Variants in JADE3 observed in about 807,000 individuals in gnomAD.
JADE3 encodes the protein jade family PHD finger 3, also known as protein Jade-3.
JADE3 carries 2 observed loss-of-function variants against 50.1 expected under a neutral mutation model. The observed-to-expected ratio is 0.04, with a 90% CI of 0.02 to 0.13. JADE3 has a LOEUF of 0.13. Ranked by LOEUF, JADE3 falls within the 10% of genes least tolerant of loss-of-function variation. JADE3 has a pLI of 1.00. For synonymous variants in JADE3, 218 were observed against 232.9 expected (o/e 0.94, Z 0.58); for missense variants, 475 against 634.4 (o/e 0.75, Z 2.70).
At chrX:47,003,526 GTATTTTTATGTCT>G (rs1259225170) in intron 4 of JADE3, among the ~76,000 whole-genome samples, 2 of 105,200 alleles carry the variant, frequency 1.9e-5, no homozygotes, top group East Asian at 2.9e-4. Context: ...TTATGTCTAT[GTATTTTTATGTCT>G]TATTTTTATG....
At chrX:46,999,336 A>G (rs1350936279) in intron 4 of JADE3, among the ~76,000 whole-genome samples, 2 of 105,926 alleles carry the variant, frequency 1.9e-5, no homozygotes, top group African/African-American at 7.0e-5. Flanking sequence ...TTGGGAATTA[A>G]GGTTCCAATA....
chrX:46,989,517 T>C lies in JADE3; in HGVS notation c.126+3725T>C, dbSNP rs189781866. 2.2e-4 allele frequency among the ~76,000 whole-genome samples: 25 copies of C among 111,900 alleles called. No individual in the cohort carries two copies. In the East Asian group the frequency reaches 6.7e-3, roughly 30 times the overall value. On this transcript the variant is annotated intron_variant, in intron 3 of 10. Coordinates refer to ENST00000614628, the MANE Select transcript of JADE3 (RefSeq NM_014735.5). ...TACTTTTCTTTCAGCACTTGGAAAATGTTGTGCTACTTCCTTCTGGCCTCC... is the reference window on the plus strand; with the variant it reads ...TACTTTTCTTTCAGCACTTGGAAAACGTTGTGCTACTTCCTTCTGGCCTCC...
At chrX:46,950,133 GACA>G (rs1454724637) in intron 1 of JADE3, among the ~76,000 whole-genome samples, 2 of 112,150 alleles carry the variant, frequency 1.8e-5, no homozygotes, top group African/African-American at 6.5e-5. Context: ...TTATTAAAAT[GACA>G]ACTTTATTGA....
intron 1 of JADE3, among the ~76,000 whole-genome samples, chrX:46,956,494 A>G (rs1275784869): frequency 8.9e-6 from 1 of 112,800 alleles, no homozygotes; most frequent in Non-Finnish European, 1.9e-5. Context: ...ATTATCAACA[A>G]TTAAGATTTT....
intron 1 of JADE3, among the ~76,000 whole-genome samples, chrX:46,971,533 C>T (rs868982794): frequency 9.1e-6 from 1 of 109,359 alleles, no homozygotes; most frequent in Non-Finnish European, 1.9e-5. Context: ...CAGTGGCTCA[C>T]GCCTGTAATC....
chrX:46,944,424 G>A (rs1297453472), intron 1 of JADE3, among the ~76,000 whole-genome samples: 2 of 108,677 alleles, frequency 1.8e-5, no homozygotes, highest in Non-Finnish European at 3.8e-5. Flanking sequence ...TCCTACCTCA[G>A]CCTCCCAAGT....
chrX:47,048,238 CA>C (rs1929420534), intron 8 of JADE3, among the ~76,000 whole-genome samples: 1 of 111,614 alleles, frequency 9.0e-6, no homozygotes, highest in African/African-American at 3.3e-5. Flanking sequence ...CCAAGGTAAA[CA>C]AAGACACTCT....
chrX:47,042,505 G>C (rs960949247), intron 8 of JADE3, among the ~76,000 whole-genome samples: 2 of 111,694 alleles, frequency 1.8e-5, no homozygotes, highest in Non-Finnish European at 3.8e-5. Context: ...GCAGAGCAAT[G>C]ATTCTTACTT....
At chrX:46,960,113 G>A (rs1405620352) in intron 1 of JADE3, among the ~76,000 whole-genome samples, 1 of 110,759 alleles carries the variant, frequency 9.0e-6, no homozygotes, top group African/African-American at 3.3e-5. Context: ...GGAAAAGGAT[G>A]GGTGTTCCTC....
intron 1 of JADE3, among the ~76,000 whole-genome samples, chrX:46,928,915 A>G (rs976233763): frequency 1.1e-4 from 12 of 112,037 alleles, no homozygotes; most frequent in African/African-American, 3.6e-4. Flanking sequence ...CCCCAGCTGC[A>G]TGTAGCGTGA....
intron 1 of JADE3, among the ~76,000 whole-genome samples, chrX:46,957,575 G>A (rs1227713584): frequency 8.9e-6 from 1 of 111,990 alleles, no homozygotes; most frequent in Non-Finnish European, 1.9e-5. Context: ...TATGAGATTT[G>A]CCACATTCCA....
chrX:47,013,433 C>T (rs1216632499), intron 4 of JADE3, among the ~76,000 whole-genome samples: 3 of 111,822 alleles, frequency 2.7e-5, no homozygotes, highest in African/African-American at 9.7e-5. Flanking sequence ...TATAAGGGAA[C>T]TTTTTAAAAG....
chrX:46,965,192 G>A (rs782271533), intron 1 of JADE3, among the ~76,000 whole-genome samples: 5 of 111,393 alleles, frequency 4.5e-5, no homozygotes, highest in African/African-American at 6.5e-5. Context: ...TTGTATTTCT[G>A]TAGATAATGG....
At chrX:47,058,065 G>A (rs1302965942) in intron 10 of JADE3, 102 bp from the exon 11 acceptor site, 2 of 685,554 alleles carry the variant, frequency 2.9e-6, no homozygotes, top group South Asian at 2.8e-5. Context: ...CCAGGTGCTT[G>A]TTAAACATTT....
Position 47,056,190 on chromosome X carries a change from A to G in JADE3, c.1552A>G (p.Ile518Val). 4 of 1,130,087 alleles carry G rather than the reference A, an allele frequency of 3.5e-6. No homozygotes were observed. Among genetic ancestry groups the G allele is most frequent in the Non-Finnish European group, 4.9e-6 (4 of 821,322 alleles). 93.1% of individuals were successfully genotyped at this position (1,130,087 alleles called of 1,213,427 possible). ...GCAAGTCCAGCTTCTTAACCAAGAA[A>G]TTGATGCAGGTAACCTGTATATTTA... is the stretch of plus-strand genomic sequence containing the variant. ...GLQVQLLNQEIDAGLPLTNAL... is the reference protein window; with the variant it reads ...GLQVQLLNQEVDAGLPLTNAL... Residue 518 changes from isoleucine (I) to valine (V), a missense_variant, in exon 10 of 11, where the codon ATT (isoleucine) becomes GTT (valine). Physicochemically the swap from Ile to Val is conservative, Grantham distance 29 (BLOSUM62 3). Transcript: ENST00000614628.
chrX:46,962,386 T>G (rs781913044), intron 1 of JADE3, among the ~76,000 whole-genome samples: 1 of 111,978 alleles, frequency 8.9e-6, no homozygotes, highest in Non-Finnish European at 1.9e-5. Context: ...TCCTCTTGTG[T>G]TAAACAACAT....
At chrX:46,993,790 C>T (rs782305154) in intron 3 of JADE3, among the ~76,000 whole-genome samples, 20 of 112,208 alleles carry the variant, frequency 1.8e-4, no homozygotes, top group African/African-American at 5.8e-4. Context: ...CTTGACAAAA[C>T]AAGAACAGAG....
In JADE3 at chrX:46,976,613, G is replaced by A. The variant is rs782032368; in HGVS notation, c.-11-8271G>A. On this transcript the variant is annotated intron_variant, in intron 1 of 10. Transcript: ENST00000614628. Reference sequence around the variant, plus strand: ...TATAAAGTCTGTGCTCTGATCTGAGGACTAGAAAATAAACAGCTGAATAAT... The same window carrying A: ...TATAAAGTCTGTGCTCTGATCTGAGAACTAGAAAATAAACAGCTGAATAAT... Among the ~76,000 whole-genome samples the A allele has an allele frequency of 4.5e-5, 5 of 111,695 alleles. No individual in the cohort carries two copies. In the East Asian group the frequency reaches 1.4e-3, roughly 31 times the overall value.
intron 1 of JADE3, among the ~76,000 whole-genome samples, chrX:46,915,721 C>T (rs1284725227): frequency 1.8e-5 from 2 of 108,854 alleles, no homozygotes; most frequent in Non-Finnish European, 3.8e-5. Flanking sequence ...AAATTCTTAC[C>T]ATTAGAACTG....
Sources: allele counts gnomAD v4.1 joint callset (sites outside exome capture counted in the v4.1 genomes callset), GRCh38; gene constraint gnomAD v4.1.1; transcripts MANE v1.5; gene names NCBI Gene and HGNC (gene_info 2026-07-23, HGNC 2026-07-21).